The following NUP62CL variants were observed in gnomAD, a reference collection of about 807,000 sequenced individuals.
The protein encoded by NUP62CL is nucleoporin 62 C-terminal like.
A neutral mutation model predicts 15.3 loss-of-function variants in NUP62CL; 13 were observed. The observed-to-expected ratio is 0.85, with a 90% CI of 0.55 to 1.35. The LOEUF (loss-of-function observed/expected upper bound fraction) is 1.35, where lower values mean the gene tolerates loss of function less well. NUP62CL is among the 40% of genes most tolerant of loss of function. NUP62CL has a pLI of 0.00. For missense variants in NUP62CL, 123 were observed against 130.6 expected, an observed-to-expected ratio of 0.94 and a Z score of 0.28; for synonymous variants, 54 against 49.2, an observed-to-expected ratio of 1.10 and a Z score of -0.41.
intron 4 of NUP62CL, among the ~76,000 whole-genome samples, chrX:107,161,831 G>A (rs866422832): frequency 2.2e-5 from 2 of 91,097 alleles, no homozygotes; most frequent in African/African-American, 4.1e-5. Context: ...TAAAAAAAAT[G>A]AAAAAAAAAT....
At chrX:107,184,797 A>C (rs1927013745) in intron 2 of NUP62CL, among the ~76,000 whole-genome samples, 1 of 111,698 alleles carries the variant, frequency 9.0e-6, no homozygotes, top group African/African-American at 3.3e-5. Context: ...CATAATAATT[A>C]AACTTCTGAA....
intron 3 of NUP62CL, among the ~76,000 whole-genome samples, chrX:107,174,622 A>G (rs1329212293): frequency 8.9e-6 from 1 of 111,878 alleles, no homozygotes; most frequent in Non-Finnish European, 1.9e-5. Flanking sequence ...TAGAACCCCA[A>G]AACTACAGCT....
chrX:107,188,423 C>G (rs891298782), intron 2 of NUP62CL, among the ~76,000 whole-genome samples: 7 of 108,561 alleles, frequency 6.4e-5, no homozygotes, highest in Non-Finnish European at 1.1e-4. Flanking sequence ...GGTAAAAACT[C>G]CCCCCCACCA....
intron 2 of NUP62CL, among the ~76,000 whole-genome samples, chrX:107,176,950 A>G (rs1410552699): frequency 1.8e-5 from 2 of 111,627 alleles, no homozygotes; most frequent in Admixed American, 1.9e-4. Context: ...ATTCAACAAT[A>G]CATTGAAAAT....
chrX:107,136,653 T>A, intron 8 of NUP62CL, among the ~76,000 whole-genome samples: 1 of 112,423 alleles, frequency 8.9e-6, no homozygotes, highest in Non-Finnish European at 1.9e-5. Context: ...AAATCTCTCA[T>A]ACATTTAAAA....
chrX:107,149,493 A>G (rs953083687), intron 7 of NUP62CL, among the ~76,000 whole-genome samples: 1 of 112,011 alleles, frequency 8.9e-6, no homozygotes, highest in Admixed American at 9.5e-5. Context: ...CATAATTTTT[A>G]TAGCGGGAAG....
At chrX:107,178,757 C>T (rs1010671957) in intron 2 of NUP62CL, among the ~76,000 whole-genome samples, 1 of 111,332 alleles carries the variant, frequency 9.0e-6, no homozygotes, top group Non-Finnish European at 1.9e-5. Context: ...TTACCACATA[C>T]AAAAGCTACT....
At chrX:107,205,945 G>C (rs1201115741) in intron 1 of NUP62CL, among the ~76,000 whole-genome samples, 2 of 110,433 alleles carry the variant, frequency 1.8e-5, no homozygotes, top group African/African-American at 3.3e-5. Flanking sequence ...CTCCCCCGGG[G>C]ACTTGGGGCC....
intron 2 of NUP62CL, among the ~76,000 whole-genome samples, chrX:107,186,925 T>G (rs779814803): frequency 9.0e-6 from 1 of 111,684 alleles, no homozygotes; most frequent in Non-Finnish European, 1.9e-5. Flanking sequence ...ACTTTTCAAG[T>G]GCCCATGAAA....
chrX:107,196,475 A>G (rs1448576088), intron 1 of NUP62CL, among the ~76,000 whole-genome samples: 1 of 111,777 alleles, frequency 8.9e-6, no homozygotes, highest in African/African-American at 3.3e-5. Flanking sequence ...CTTGTTGTCC[A>G]GGCTGCAGTG....
intron 8 of NUP62CL, among the ~76,000 whole-genome samples, chrX:107,128,371 CTCTT>C (rs956578675): frequency 8.9e-6 from 1 of 112,042 alleles, no homozygotes; most frequent in Admixed American, 9.5e-5. Flanking sequence ...AGCTTTGTAT[CTCTT>C]TCTCCACCAA....
At chrX:107,152,083 TATATATATATATTCAG>T (rs1569357044) in intron 7 of NUP62CL, among the ~76,000 whole-genome samples, 54 of 78,499 alleles carry the variant, frequency 6.9e-4, no homozygotes, top group Non-Finnish European at 9.8e-4. Flanking sequence ...TATTCAGATA[TATATATATATATTCAG>T]ATATATATAT....
intron 1 of NUP62CL, among the ~76,000 whole-genome samples, chrX:107,202,087 G>C (rs948316854): frequency 4.5e-5 from 5 of 112,025 alleles, no homozygotes; most frequent in Non-Finnish European, 9.4e-5. Flanking sequence ...CTTTGGAAAA[G>C]TATCTCTGGG....
rs1245773753 is a variant in NUP62CL, at chrX:107,175,141, C to G, written c.6G>C (p.Gln2His). 4.2e-6 allele frequency: 5 copies of G among 1,202,826 alleles called. No homozygotes were observed. The highest frequency in any genetic ancestry group is 1.8e-5 in the African/African-American group (1 of 57,057). ...TCAAAGAATTTGATATTGAGGTAAACTGCATGGTGCTTGAACTAGTGGTGG... is the reference window on the plus strand; with the variant it reads ...TCAAAGAATTTGATATTGAGGTAAAGTGCATGGTGCTTGAACTAGTGGTGG... The part of the protein sequence containing the change: M[Q>H]FTSISNSLTS... Residue 2 changes from glutamine to histidine, a missense_variant, in exon 3 of 9, where the codon CAG (glutamine) becomes CAC (histidine). Physicochemically the swap from Gln to His is conservative, Grantham distance 24. Transcript: ENST00000372466.
chrX:107,160,649 T>G (rs1259969893), intron 4 of NUP62CL, among the ~76,000 whole-genome samples: 1 of 110,808 alleles, frequency 9.0e-6, no homozygotes, highest in Non-Finnish European at 1.9e-5. Context: ...ATTAAAGATT[T>G]AAACGTTAGA....
At chrX:107,156,491 A>G (rs1351173456) in intron 4 of NUP62CL, among the ~76,000 whole-genome samples, 1 of 106,231 alleles carries the variant, frequency 9.4e-6, no homozygotes, top group East Asian at 3.0e-4. Context: ...CGAGCAGCCT[A>G]ACTGGGAGGC....
chrX:107,163,123 G>A (rs755007184), intron 4 of NUP62CL, among the ~76,000 whole-genome samples: 10 of 111,485 alleles, frequency 9.0e-5, no homozygotes, highest in Non-Finnish European at 1.9e-4. Context: ...TCTACTTCTC[G>A]TTTCTCAGAT....
Position 107,152,096 on chromosome X carries a change from T to A in NUP62CL, c.530+1076A>T, listed in dbSNP as rs1208227670. Among the ~76,000 whole-genome samples, 6 of 49,925 alleles carry A rather than the reference T, an allele frequency of 1.2e-4. 1 individual carries two copies. The highest frequency in any genetic ancestry group is 6.8e-4 in the East Asian group (1 of 1,480). The allele number at this position is 49,925 out of a possible 115,157, so 43.4% of individuals were successfully genotyped here. On this transcript the variant is annotated intron_variant, in intron 7 of 8. Coordinates refer to ENST00000372466, the MANE Select transcript of NUP62CL (RefSeq NM_017681.3). ...TATATTCAGATATATATATATATAT[T>A]CAGATATATATATATATTCAGATAT...
intron 7 of NUP62CL, among the ~76,000 whole-genome samples, chrX:107,152,125 TATATATTCAG>T (rs1183662693): frequency 4.7e-5 from 2 of 42,851 alleles, no homozygotes; most frequent in African/African-American, 2.2e-4. Context: ...CAGATATATA[TATATATTCAG>T]ATATATATAT....
Sources: gnomAD v4.1 joint callset for allele counts (sites outside exome capture counted in the v4.1 genomes callset) on GRCh38, gnomAD v4.1.1 for gene constraint, MANE v1.5 for transcripts, NCBI Gene and HGNC (gene_info 2026-07-23, HGNC 2026-07-21) for gene names.